The following KCNQ1OT1 variants were observed in gnomAD, a reference collection of about 807,000 sequenced individuals.
KCNQ1OT1 encodes KCNQ1 antisense RNA 2 (non-protein coding).
In KCNQ1OT1 at chr11:2,657,255, G is replaced by A; in HGVS notation, n.42740C>T. ...ATCAGCTTGCCAAAGTTCTCACACA[G>A]AAGCCTTGAGATTTTTATTAAGATT... On this transcript the variant is annotated non_coding_transcript_exon_variant, in exon 1 of 1. Coordinates refer to ENST00000597346, the Ensembl canonical transcript of KCNQ1OT1. This position sits in a 1 kb window ranked among gnomAD's most constrained non-coding sequence, Gnocchi z 4.8. 2.5e-6 allele frequency: 1 copy of A among 398,596 alleles called. No individual in the cohort carries two copies. 24.7% of individuals were successfully genotyped at this position (398,596 alleles called of 1,614,324 possible). A position where few individuals can be genotyped will look rare whatever the true frequency, so the allele number is the denominator to read the frequency against.
chr11:2,659,090 G>T lies in KCNQ1OT1; in HGVS notation n.40905C>A. The T allele has an allele frequency of 2.5e-6, 1 of 398,548 alleles. No homozygotes were observed. Among genetic ancestry groups the T allele is most frequent in the Non-Finnish European group, 4.4e-6 (1 of 226,040 alleles). 24.7% of individuals were successfully genotyped at this position (398,548 alleles called of 1,614,324 possible). ...ATCATAGTCTGCTTTTCATCGTAGG[G>T]TCCTCCAACATCCGGGTTAATTTTT... is the stretch of plus-strand genomic sequence containing the variant. On this transcript the variant is annotated non_coding_transcript_exon_variant, in exon 1 of 1. Coordinates refer to ENST00000597346, the Ensembl canonical transcript of KCNQ1OT1. The surrounding 1 kb of genome is among the most constrained non-coding windows in gnomAD (Gnocchi z 4.3).
In KCNQ1OT1 at chr11:2,617,022, C is replaced by A. The variant is rs181241162; in HGVS notation, n.82973G>T. 7 of 397,442 alleles carry A rather than the reference C, an allele frequency of 1.8e-5. No individual in the cohort carries two copies. Among genetic ancestry groups the A allele is most frequent in the African/African-American group, 6.2e-5 (3 of 48,416 alleles). The allele number at this position is 397,442 out of a possible 1,614,324, so 24.6% of individuals were successfully genotyped here. A position where few individuals can be genotyped will look rare whatever the true frequency, so the allele number is the denominator to read the frequency against. On this transcript the variant is annotated non_coding_transcript_exon_variant, in exon 1 of 1. Coordinates refer to ENST00000597346, the Ensembl canonical transcript of KCNQ1OT1. This position sits in a 1 kb window ranked among gnomAD's most constrained non-coding sequence, Gnocchi z 4.6. ...TAGTGTATAAAACATACAGTTAAAT[C>A]GTTAACATAGTGATGCAAATTAATA... is the stretch of plus-strand genomic sequence containing the variant.
At position 2,683,255 on chromosome 11, in the gene KCNQ1OT1, G is replaced by A. The variant is rs1850428557; in HGVS notation, n.16740C>T. The A allele has an allele frequency of 2.5e-6, 1 of 398,482 alleles. No individual in the cohort carries two copies. The highest frequency in any genetic ancestry group is 2.1e-5 in the African/African-American group (1 of 48,626). 24.7% of individuals were successfully genotyped at this position (398,482 alleles called of 1,614,324 possible). The stretch of plus-strand genomic sequence containing the variant: ...AGAGCAGGAGTCCATGGCACCTCCA[G>A]AACCTGTCAGCCTGAGTATGGGCAA... On this transcript the variant is annotated non_coding_transcript_exon_variant, in exon 1 of 1. Transcript: ENST00000597346. The surrounding 1 kb of genome is among the most constrained non-coding windows in gnomAD (Gnocchi z 4.7).
chr11:2,654,119 G>A lies in KCNQ1OT1; in HGVS notation n.45876C>T. On this transcript the variant is annotated non_coding_transcript_exon_variant, in exon 1 of 1. Transcript: ENST00000597346. This position sits in a 1 kb window ranked among gnomAD's most constrained non-coding sequence, Gnocchi z 6.4. ...TCGCCTCTGAGTGGAGACACAGGTG[G>A]TGGCGGGGCCACTCTGGCTCAGGGT... 1 of 398,790 alleles carries A rather than the reference G, an allele frequency of 2.5e-6. No individual in the cohort carries two copies. The highest frequency in any genetic ancestry group is 1.3e-4 in the South Asian group (1 of 7,870). 24.7% of individuals were successfully genotyped at this position (398,790 alleles called of 1,614,324 possible).
exon 1 of KCNQ1OT1, chr11:2,675,579 T>C (rs1382196896): frequency 7.5e-6 from 3 of 398,522 alleles, no homozygotes; most frequent in African/African-American, 6.2e-5. Flanking sequence ...ACAGTTTCAC[T>C]TCCTAGGAGA....
rs934235281 is a variant in KCNQ1OT1, at chr11:2,647,815, A to T, written n.52180T>A. Reference sequence around the variant, plus strand: ...ATAATGGTCTCTAATAATCTTTTGTATTTCTGTGGTGTCCATTGTAAGTCT... The same window carrying T: ...ATAATGGTCTCTAATAATCTTTTGTTTTTCTGTGGTGTCCATTGTAAGTCT... On this transcript the variant is annotated non_coding_transcript_exon_variant, in exon 1 of 1. Coordinates refer to ENST00000597346, the Ensembl canonical transcript of KCNQ1OT1. This position sits in a 1 kb window ranked among gnomAD's most constrained non-coding sequence, Gnocchi z 4.0. 7 of 397,952 alleles carry T rather than the reference A, an allele frequency of 1.8e-5. No individual in the cohort carries two copies. The highest frequency in any genetic ancestry group is 3.1e-5 in the Non-Finnish European group (7 of 225,978). 24.7% of individuals were successfully genotyped at this position (397,952 alleles called of 1,614,324 possible).
chr11:2,671,539 T>C lies in KCNQ1OT1; in HGVS notation n.28456A>G, dbSNP rs534419432. The stretch of plus-strand genomic sequence containing the variant: ...GGATTTTTCAAAGGTTAATTTTGAC[T>C]CTGCCTGACTTATCTCCTAAGTCTT... On this transcript the variant is annotated non_coding_transcript_exon_variant, in exon 1 of 1. Transcript: ENST00000597346. The surrounding 1 kb of genome is among the most constrained non-coding windows in gnomAD (Gnocchi z 4.7). The C allele has an allele frequency of 5.3e-5, 21 of 398,654 alleles. No individual in the cohort carries two copies. The highest frequency in any genetic ancestry group is 3.5e-4 in the African/African-American group (17 of 48,774). 24.7% of individuals were successfully genotyped at this position (398,654 alleles called of 1,614,324 possible).
rs1850121263 is a variant in KCNQ1OT1, at chr11:2,668,353, A to G, written n.31642T>C. On this transcript the variant is annotated non_coding_transcript_exon_variant, in exon 1 of 1. Transcript: ENST00000597346. The surrounding 1 kb of genome is among the most constrained non-coding windows in gnomAD (Gnocchi z 4.3). The stretch of plus-strand genomic sequence containing the variant: ...TGGAGCTGCAGGGTCCTGGGTGGGC[A>G]TATGTTTACTCTTAGTGAATACTAC... 1 of 398,480 alleles carries G rather than the reference A, an allele frequency of 2.5e-6. No homozygotes were observed. The highest frequency in any genetic ancestry group is 4.4e-6 in the Non-Finnish European group (1 of 226,072). The allele number at this position is 398,480 out of a possible 1,614,324, so 24.7% of individuals were successfully genotyped here.
At position 2,671,312 on chromosome 11, in the gene KCNQ1OT1, G is replaced by A. The variant is rs556505535; in HGVS notation, n.28683C>T. ...TTCTCCATAAGTAATCTTTTCCCAT[G>A]TGTGGCTGCAGCCTCAGAGGCTCCC... is the stretch of plus-strand genomic sequence containing the variant. On this transcript the variant is annotated non_coding_transcript_exon_variant, in exon 1 of 1. Transcript: ENST00000597346. This position sits in a 1 kb window ranked among gnomAD's most constrained non-coding sequence, Gnocchi z 4.7. The A allele has an allele frequency of 9.6e-4, 381 of 398,588 alleles. No homozygotes were observed. Among genetic ancestry groups the A allele is most frequent in the Non-Finnish European group, 1.4e-3 (319 of 226,064 alleles). 24.7% of individuals were successfully genotyped at this position (398,588 alleles called of 1,614,324 possible). A position where few individuals can be genotyped will look rare whatever the true frequency, so the allele number is the denominator to read the frequency against.
In KCNQ1OT1 at chr11:2,642,876, G is replaced by A. The variant is rs1170498103; in HGVS notation, n.57119C>T. The A allele has an allele frequency of 2.5e-6, 1 of 397,470 alleles. No individual in the cohort carries two copies. Among genetic ancestry groups the A allele is most frequent in the Non-Finnish European group, 4.4e-6 (1 of 225,570 alleles). The allele number at this position is 397,470 out of a possible 1,614,324, so 24.6% of individuals were successfully genotyped here. ...GAATGTTGTGCTTCTATTTTCACTT[G>A]TTTCAGTAAATTTTTTATTTCTGCC... On this transcript the variant is annotated non_coding_transcript_exon_variant, in exon 1 of 1. Transcript: ENST00000597346. This position sits in a 1 kb window ranked among gnomAD's most constrained non-coding sequence, Gnocchi z 4.3.
exon 1 of KCNQ1OT1, chr11:2,699,508 GCCCCCAGGAGAGT>G (rs1850739344): frequency 2.2e-5 from 4 of 178,118 alleles, no homozygotes; most frequent in African/African-American, 1.3e-4. Context: ...GCGCTGAGGA[GCCCCCAGGAGAGT>G]GCCGCGCTGA....
rs1004159083 is a variant in KCNQ1OT1 at position 2,621,986 on chromosome 11, T to G, written n.78009A>C. 2.5e-6 allele frequency: 1 copy of G among 398,284 alleles called. No individual in the cohort carries two copies. The highest frequency in any genetic ancestry group is 2.1e-5 in the African/African-American group (1 of 48,624). The allele number at this position is 398,284 out of a possible 1,614,324, so 24.7% of individuals were successfully genotyped here. On this transcript the variant is annotated non_coding_transcript_exon_variant, in exon 1 of 1. Transcript: ENST00000597346. The surrounding 1 kb of genome is among the most constrained non-coding windows in gnomAD (Gnocchi z 5.7). ...GGCTATTTGAAATATCTCTTCTTTT[T>G]TAATGTAGGCAAGGCATTTATTGCT...
Position 2,624,767 on chromosome 11 carries a change from A to G in KCNQ1OT1, n.75228T>C, listed in dbSNP as rs1200449594. The G allele has an allele frequency of 5.0e-6, 2 of 398,416 alleles. No homozygotes were observed. The highest frequency in any genetic ancestry group is 4.1e-5 in the African/African-American group (2 of 48,614). 24.7% of individuals were successfully genotyped at this position (398,416 alleles called of 1,614,324 possible). On this transcript the variant is annotated non_coding_transcript_exon_variant, in exon 1 of 1. Coordinates refer to ENST00000597346, the Ensembl canonical transcript of KCNQ1OT1. The surrounding 1 kb of genome is among the most constrained non-coding windows in gnomAD (Gnocchi z 4.9). ...CCCCCCCACCACCGCCATCTCTTGG[A>G]AACCACCTTGTACTTTCTATGTCTC...
chr11:2,612,695 T>C lies in KCNQ1OT1; in HGVS notation n.87300A>G, dbSNP rs574071575. The C allele has an allele frequency of 4.3e-5, 17 of 398,594 alleles. No individual in the cohort carries two copies. In the South Asian group the frequency reaches 2.0e-3, roughly 48 times the overall value. The allele number at this position is 398,594 out of a possible 1,614,324, so 24.7% of individuals were successfully genotyped here. A position where few individuals can be genotyped will look rare whatever the true frequency, so the allele number is the denominator to read the frequency against. On this transcript the variant is annotated non_coding_transcript_exon_variant, in exon 1 of 1. Coordinates refer to ENST00000597346, the Ensembl canonical transcript of KCNQ1OT1. The surrounding 1 kb of genome is among the most constrained non-coding windows in gnomAD (Gnocchi z 5.5). ...TTTGGTTCTTTGAACATAGTTATAA[T>C]ACTTACTTTGAAATCGCGCCCTAAC...
In KCNQ1OT1 at chr11:2,647,768, A is replaced by ATAT; in HGVS notation, n.52226_52227insATA. The stretch of plus-strand genomic sequence containing the variant: ...TTTATCTCTTTCCTCTAGGTTTTCT[A>ATAT]ATTGTTGACATATAGTTGTTCATAA... On this transcript the variant is annotated non_coding_transcript_exon_variant, in exon 1 of 1. Coordinates refer to ENST00000597346, the Ensembl canonical transcript of KCNQ1OT1. This position sits in a 1 kb window ranked among gnomAD's most constrained non-coding sequence, Gnocchi z 4.0. The ATAT allele has an allele frequency of 2.5e-6, 1 of 398,352 alleles. No individual in the cohort carries two copies. Among genetic ancestry groups the ATAT allele is most frequent in the Non-Finnish European group, 4.4e-6 (1 of 226,008 alleles). 24.7% of individuals were successfully genotyped at this position (398,352 alleles called of 1,614,324 possible). A position where few individuals can be genotyped will look rare whatever the true frequency, so the allele number is the denominator to read the frequency against.
chr11:2,615,838 A>G, exon 1 of KCNQ1OT1: 5 of 398,030 alleles, frequency 1.3e-5, no homozygotes, highest in Non-Finnish European at 2.2e-5. Context: ...TTCTTGTGGT[A>G]TATTTGTCTG....
chr11:2,639,070 C>T (rs879387952), exon 1 of KCNQ1OT1: 1 of 152,184 alleles, frequency 6.6e-6, no homozygotes, highest in Non-Finnish European at 1.5e-5. Flanking sequence ...TCCATCATGT[C>T]ATTTAAGGAC....
In KCNQ1OT1 at chr11:2,668,864, A is replaced by T. The variant is rs949494571; in HGVS notation, n.31131T>A. The T allele has an allele frequency of 2.5e-5, 10 of 398,524 alleles. No homozygotes were observed. The highest frequency in any genetic ancestry group is 4.0e-5 in the Non-Finnish European group (9 of 226,078). 24.7% of individuals were successfully genotyped at this position (398,524 alleles called of 1,614,324 possible). A position where few individuals can be genotyped will look rare whatever the true frequency, so the allele number is the denominator to read the frequency against. On this transcript the variant is annotated non_coding_transcript_exon_variant, in exon 1 of 1. Coordinates refer to ENST00000597346, the Ensembl canonical transcript of KCNQ1OT1. The surrounding 1 kb of genome is among the most constrained non-coding windows in gnomAD (Gnocchi z 4.3). Reference sequence around the variant, plus strand: ...TAGGGCTGTTTGTGTCCTATTTAAGAAACTTTGACTACTCCAAGGTCATAA... The same window carrying T: ...TAGGGCTGTTTGTGTCCTATTTAAGTAACTTTGACTACTCCAAGGTCATAA...
At chr11:2,699,598 G>T (rs1259912004) in exon 1 of KCNQ1OT1, 1 of 351,900 alleles carries the variant, frequency 2.8e-6, no homozygotes, top group African/African-American at 2.1e-5. Flanking sequence ...ACAGAACCGC[G>T]GCGAGAGGCC....
Sources: allele counts gnomAD v4.1 joint callset, GRCh38; gene constraint gnomAD v4.1.1; non-coding constraint Gnocchi (gnomAD v3.1); transcripts MANE v1.5; gene names NCBI Gene and HGNC (gene_info 2026-07-23, HGNC 2026-07-21).